Variants in GABRB2 observed in about 807,000 individuals in gnomAD.
GABRB2 encodes gamma-aminobutyric acid receptor subunit beta-2.
In GABRB2, 16 loss-of-function variants were observed where a neutral mutation model predicts 54.7. The ratio of observed to expected loss-of-function variants is 0.29; its 90% CI spans 0.20 to 0.44. The LOEUF (loss-of-function observed/expected upper bound fraction) is 0.44. GABRB2 is among the 20% of genes least tolerant of loss of function. The pLI is 1.00. For missense variants in GABRB2, 355 were observed against 644.0 expected (o/e 0.55, Z 4.86); for synonymous variants, 244 against 233.8 (o/e 1.04, Z -0.40).
Position 161,354,702 on chromosome 5 carries a change from A to G in GABRB2, c.542-17933T>C, listed in dbSNP as rs186910342. 1.2e-4 allele frequency among the ~76,000 whole-genome samples: 18 copies of G among 152,120 alleles called. No individual in the cohort carries two copies. In the East Asian group the frequency reaches 3.3e-3, roughly 28 times the overall value. On this transcript the variant is annotated intron_variant, in intron 5 of 9. Transcript: ENST00000393959. Reference sequence around the variant, plus strand: ...CACTAACTATGGCACCTTGCTCAAAATCTTTGAAAGGCTTCCCATTTTATC... The same window carrying G: ...CACTAACTATGGCACCTTGCTCAAAGTCTTTGAAAGGCTTCCCATTTTATC...
chr5:161,319,360 T>C (rs1051352738), intron 9 of GABRB2, among the ~76,000 whole-genome samples: 1 of 148,850 alleles, frequency 6.7e-6, no homozygotes, highest in African/African-American at 2.4e-5. Context: ...TAATTTTTCT[T>C]AATGTCCTTT....
chr5:161,459,804 T>C lies in GABRB2; in HGVS notation c.278A>G (p.Asp93Gly). 1 of 1,613,836 alleles carries C rather than the reference T, an allele frequency of 6.2e-7. No individual in the cohort carries two copies. The highest frequency in any genetic ancestry group is 8.5e-7 in the Non-Finnish European group (1 of 1,179,788). The change falls in exon 4 of 10, where the codon GAT (aspartate) becomes GGT (glycine). Residue 93 changes from aspartate to glycine, a missense_variant. Transcript: ENST00000393959. ...LTMYFQQAWR[D>G]KRLSYNVIPL... Reference sequence around the variant, plus strand: ...TATTACATTATAGGACAGCCTCTTATCTCTCCAGGCTTGTTGAAAGTACAT... The same window carrying C: ...TATTACATTATAGGACAGCCTCTTACCTCTCCAGGCTTGTTGAAAGTACAT...
intron 3 of GABRB2, among the ~76,000 whole-genome samples, chr5:161,516,908 A>G (rs78454083): frequency 0.016 from 2,367 of 152,128 alleles, 29 homozygotes; most frequent in East Asian, 0.024. Context: ...TTAGTTCCCA[A>G]CCCTTCAGAT....
At chr5:161,531,191 C>T (rs1760449610) in intron 3 of GABRB2, among the ~76,000 whole-genome samples, 1 of 152,108 alleles carries the variant, frequency 6.6e-6, no homozygotes, top group Non-Finnish European at 1.5e-5. Context: ...CCTGCTCACT[C>T]ATATTTAAAA....
chr5:161,440,062 CAAA>C (rs61152845), intron 4 of GABRB2, among the ~76,000 whole-genome samples: 1 of 77,184 alleles, frequency 1.3e-5, no homozygotes, highest in African/African-American at 4.2e-5. Flanking sequence ...AACCTCAAAC[CAAA>C]AAAAAAAAAA....
intron 5 of GABRB2, among the ~76,000 whole-genome samples, chr5:161,370,668 T>G (rs534090221): frequency 7.4e-4 from 112 of 152,326 alleles, no homozygotes; most frequent in African/African-American, 2.4e-3. Flanking sequence ...TGAAATCTTC[T>G]GCAGCTTGTA....
At chr5:161,399,302 C>G (rs1478223165) in intron 5 of GABRB2, among the ~76,000 whole-genome samples, 1 of 152,072 alleles carries the variant, frequency 6.6e-6, no homozygotes, top group African/African-American at 2.4e-5. Flanking sequence ...CTGCTTGATA[C>G]TGGGTCCTGA....
intron 3 of GABRB2, among the ~76,000 whole-genome samples, chr5:161,501,903 T>A (rs1420722603): frequency 6.7e-6 from 1 of 148,790 alleles, no homozygotes; most frequent in Non-Finnish European, 1.5e-5. Context: ...AAACATTTCA[T>A]TATTAAAATT....
At chr5:161,408,587 G>T (rs1057372095) in intron 5 of GABRB2, among the ~76,000 whole-genome samples, 1 of 152,006 alleles carries the variant, frequency 6.6e-6, no homozygotes, top group East Asian at 1.9e-4. Flanking sequence ...ATCCTCTCCT[G>T]AACTGACCCA....
intron 4 of GABRB2, among the ~76,000 whole-genome samples, chr5:161,439,148 C>T (rs1386499327): frequency 6.6e-6 from 1 of 152,128 alleles, no homozygotes; most frequent in African/African-American, 2.4e-5. Flanking sequence ...ATCCTAAAAG[C>T]ATCAAGAGAA....
At chr5:161,490,511 T>C (rs1017643133) in intron 3 of GABRB2, among the ~76,000 whole-genome samples, 2 of 151,604 alleles carry the variant, frequency 1.3e-5, no homozygotes, top group Non-Finnish European at 3.0e-5. Context: ...TGAGGCTTAA[T>C]TGAGATATTA....
At chr5:161,411,837 A>T (rs1756525099) in intron 4 of GABRB2, among the ~76,000 whole-genome samples, 1 of 152,026 alleles carries the variant, frequency 6.6e-6, no homozygotes, top group Non-Finnish European at 1.5e-5. Context: ...TATATGAGTT[A>T]TCAAGGTATG....
chr5:161,459,839 A>G lies in GABRB2; in HGVS notation c.243T>C (p.Tyr81=). 6.2e-7 allele frequency: 1 copy of G among 1,602,578 alleles called. No homozygotes were observed. Among genetic ancestry groups the G allele is most frequent in the Non-Finnish European group, 8.5e-7 (1 of 1,169,624 alleles). The change falls in exon 4 of 10, where the codon TAT becomes TAC. Residue 81 remains tyrosine, a synonymous_variant. Coordinates refer to ENST00000393959, the MANE Select transcript of GABRB2 (RefSeq NM_001371727.1). ...IDMVSEVNMD[Y]TLTMYFQQAW... ...CTTGTTGAAAGTACATTGTCAAGGTATAATCCTGTAAATGTGAGAAAAAAA... is the reference window on the plus strand; with the variant it reads ...CTTGTTGAAAGTACATTGTCAAGGTGTAATCCTGTAAATGTGAGAAAAAAA...
chr5:161,466,545 C>T (rs1758281409), intron 3 of GABRB2, among the ~76,000 whole-genome samples: 1 of 152,038 alleles, frequency 6.6e-6, no homozygotes, highest in African/African-American at 2.4e-5. Context: ...CAACATCAGC[C>T]ATTGAAAGAA....
intron 5 of GABRB2, among the ~76,000 whole-genome samples, chr5:161,348,219 AGG>A (rs1754375710): frequency 6.6e-6 from 1 of 152,110 alleles, no homozygotes; most frequent in Non-Finnish European, 1.5e-5. Flanking sequence ...TTACCATGTT[AGG>A]AATTAAAACA....
chr5:161,327,595 C>T (rs906370751), intron 8 of GABRB2, among the ~76,000 whole-genome samples: 6 of 152,000 alleles, frequency 3.9e-5, no homozygotes, highest in African/African-American at 1.2e-4. Context: ...ATTTAAGAGA[C>T]GCTAATACCA....
At chr5:161,429,591 A>C (rs895997546) in intron 4 of GABRB2, among the ~76,000 whole-genome samples, 2 of 152,118 alleles carry the variant, frequency 1.3e-5, no homozygotes, top group Non-Finnish European at 2.9e-5. Flanking sequence ...CTGGTAAGCA[A>C]ATGTGTTGAG....
chr5:161,358,093 A>G (rs117883114), intron 5 of GABRB2, among the ~76,000 whole-genome samples: 1 of 152,350 alleles, frequency 6.6e-6, no homozygotes, highest in East Asian at 1.9e-4. Context: ...GTCTTGTATT[A>G]AGAATTCAGG....
intron 5 of GABRB2, among the ~76,000 whole-genome samples, chr5:161,385,948 GTGTGTGT>G (rs1561631772): frequency 0.021 from 2,299 of 108,326 alleles, 56 homozygotes; most frequent in African/African-American, 0.062. Flanking sequence ...CTATTGTCTG[GTGTGTGT>G]GTGTGTGTGT....
Sources: gnomAD v4.1 joint callset for allele counts (sites outside exome capture counted in the v4.1 genomes callset) on GRCh38, gnomAD v4.1.1 for gene constraint, MANE v1.5 for transcripts, NCBI Gene and HGNC (gene_info 2026-07-23, HGNC 2026-07-21) for gene names.